HPSE2: variants seen among roughly 807,000 people sequenced by gnomAD.
The protein encoded by HPSE2 is inactive heparanase-2.
HPSE2 carries 38 observed loss-of-function variants against 60.5 expected under a neutral mutation model. The ratio of observed to expected loss-of-function variants is 0.63; its 90% confidence interval spans 0.48 to 0.82. The LOEUF is 0.82. HPSE2 is among the 40% of genes least tolerant of loss of function. The pLI is 0.00. For missense variants in HPSE2, 713 were observed against 740.4 expected (o/e 0.96, Z 0.43); for synonymous variants, 295 against 293.2 (o/e 1.01, Z -0.06).
chr10:99,246,987 T>A, the HPSE2 span, among the ~76,000 whole-genome samples: 8 of 151,938 alleles, frequency 5.3e-5, no homozygotes, highest in Non-Finnish European at 1.0e-4. Flanking sequence ...AAAACAAAAA[T>A]AATCATACCC....
Position 98,482,602 on chromosome 10 carries a change from C to T in HPSE2, c.1613+34G>A, listed in dbSNP as rs1375588021. ...TCCCCCTCCCTCAGCTCCTGCTGCACTTGCTCCCGAGCTATTTTCAGGTTG... is the reference window on the plus strand; with the variant it reads ...TCCCCCTCCCTCAGCTCCTGCTGCATTTGCTCCCGAGCTATTTTCAGGTTG... On this transcript the variant is annotated intron_variant, in intron 11 of 11. Coordinates refer to ENST00000370552, the MANE Select transcript of HPSE2 (RefSeq NM_021828.5). 5.6e-6 allele frequency: 9 copies of T among 1,613,614 alleles called. No homozygotes were observed. In the East Asian group the frequency reaches 1.8e-4, roughly 32 times the overall value.
rs77993810 is a variant in HPSE2, at chr10:98,769,500, A to G, written c.611-25444T>C. Among the ~76,000 whole-genome samples, 773 of 152,334 alleles carry G rather than the reference A, an allele frequency of 5.1e-3. 6 individuals carry two copies. Among genetic ancestry groups the G allele is most frequent in the African/African-American group, 0.017 (716 of 41,576 alleles). On this transcript the variant is annotated intron_variant, in intron 3 of 11. Coordinates refer to ENST00000370552, the MANE Select transcript of HPSE2 (RefSeq NM_021828.5). ...TCCACTGAGCCTGTGATAAAGCAGT[A>G]ACAAGTATAACACTTCTTACTTGAC...
chr10:99,025,514 CA>C (rs1957358245), intron 3 of HPSE2, among the ~76,000 whole-genome samples: 1 of 152,106 alleles, frequency 6.6e-6, no homozygotes, highest in South Asian at 2.1e-4. Flanking sequence ...GAATACTACA[CA>C]GCCATAAAAA....
the HPSE2 span, among the ~76,000 whole-genome samples, chr10:99,268,601 G>A: frequency 1.2e-4 from 18 of 147,868 alleles, no homozygotes; most frequent in East Asian, 4.0e-4. Context: ...AGCCGAGATC[G>A]GGCCTCTGCA....
chr10:98,875,599 A>G (rs1286899584), intron 3 of HPSE2, among the ~76,000 whole-genome samples: 1 of 152,060 alleles, frequency 6.6e-6, no homozygotes, highest in African/African-American at 2.4e-5. Flanking sequence ...TACCAGAGGT[A>G]CAAAGAATAA....
At chr10:99,135,018 G>C (rs2135749976) in intron 3 of HPSE2, among the ~76,000 whole-genome samples, 1 of 152,106 alleles carries the variant, frequency 6.6e-6, no homozygotes, top group Admixed American at 6.5e-5. Flanking sequence ...ACGGATGGAG[G>C]AATATTTACC....
At chr10:99,005,912 G>A (rs1956880915) in intron 3 of HPSE2, among the ~76,000 whole-genome samples, 2 of 152,178 alleles carry the variant, frequency 1.3e-5, no homozygotes, top group Admixed American at 6.5e-5. Context: ...CTTTGGACAT[G>A]TAGCCTCGTA....
chr10:99,183,325 G>A (rs1249955476), intron 2 of HPSE2, among the ~76,000 whole-genome samples: 1 of 152,174 alleles, frequency 6.6e-6, no homozygotes, highest in East Asian at 1.9e-4. Flanking sequence ...ATGCATATAT[G>A]TAAGGATACT....
chr10:98,883,706 A>AG (rs1278017108), intron 3 of HPSE2, among the ~76,000 whole-genome samples: 1 of 152,102 alleles, frequency 6.6e-6, no homozygotes, highest in Non-Finnish European at 1.5e-5. Context: ...CGGGAGGCTG[A>AG]GGCTGGAGGA....
chr10:98,527,350 T>G (rs1430657866), intron 9 of HPSE2, among the ~76,000 whole-genome samples: 1 of 152,182 alleles, frequency 6.6e-6, no homozygotes, highest in Non-Finnish European at 1.5e-5. Flanking sequence ...CTTATGGTGA[T>G]CCGCACACTC....
At chr10:99,040,358 T>TGGTA (rs1468997218) in intron 3 of HPSE2, among the ~76,000 whole-genome samples, 1 of 152,206 alleles carries the variant, frequency 6.6e-6, no homozygotes, top group Non-Finnish European at 1.5e-5. Context: ...AATATACTCA[T>TGGTA]GGTACTTTTC....
intron 3 of HPSE2, among the ~76,000 whole-genome samples, chr10:98,781,387 T>C (rs1950465846): frequency 6.6e-6 from 1 of 150,936 alleles, no homozygotes; most frequent in Non-Finnish European, 1.5e-5. Context: ...AATATTTGAC[T>C]TTATGACAGT....
At chr10:98,814,021 C>G (rs1951227832) in intron 3 of HPSE2, among the ~76,000 whole-genome samples, 1 of 152,086 alleles carries the variant, frequency 6.6e-6, no homozygotes, top group African/African-American at 2.4e-5. Flanking sequence ...AAACTGAAGT[C>G]TAGAGAGTCT....
the HPSE2 span, among the ~76,000 whole-genome samples, chr10:99,305,979 G>GCACGCACACACACACACACA: frequency 2.4e-4 from 19 of 80,584 alleles, 1 homozygote; most frequent in African/African-American, 8.6e-4. Flanking sequence ...GCGCGCGCGC[G>GCACGCACACACACACACACA]CACACACACA....
At chr10:98,502,755 A>G (rs1204118271) in intron 9 of HPSE2, among the ~76,000 whole-genome samples, 1 of 152,204 alleles carries the variant, frequency 6.6e-6, no homozygotes, top group Admixed American at 6.5e-5. Flanking sequence ...CAGCAGAGTA[A>G]ACAGACAATC....
At chr10:99,149,593 T>C (rs1846183381) in intron 2 of HPSE2, among the ~76,000 whole-genome samples, 1 of 152,200 alleles carries the variant, frequency 6.6e-6, no homozygotes, top group African/African-American at 2.4e-5. Context: ...AATAGAGACA[T>C]ATTAGGAATT....
intron 2 of HPSE2, among the ~76,000 whole-genome samples, chr10:99,172,174 C>A (rs1179330996): frequency 6.6e-6 from 1 of 152,142 alleles, no homozygotes; most frequent in African/African-American, 2.4e-5. Context: ...GTTTTTCAAG[C>A]CTTGCCTCCC....
At chr10:98,858,055 A>G (rs1034360404) in intron 3 of HPSE2, among the ~76,000 whole-genome samples, 4 of 152,194 alleles carry the variant, frequency 2.6e-5, no homozygotes, top group Non-Finnish European at 5.9e-5. Flanking sequence ...ATCTCATTCA[A>G]TCTTTAACAA....
chr10:99,047,661 A>T, intron 3 of HPSE2: 1 of 762,334 alleles, frequency 1.3e-6, no homozygotes, highest in South Asian at 1.4e-5. Flanking sequence ...GAAGAGAAGA[A>T]GAAGACGGTT....
Sources: gnomAD v4.1 joint callset for allele counts (sites outside exome capture counted in the v4.1 genomes callset) on GRCh38, gnomAD v4.1.1 for gene constraint, MANE v1.5 for transcripts, NCBI Gene and HGNC (gene_info 2026-07-23, HGNC 2026-07-21) for gene names.